Variants in ARHGEF12 observed in about 807,000 individuals in gnomAD.
The protein encoded by ARHGEF12 is KMT2A/ARHGEF12 fusion protein.
Under a neutral mutation model 211.2 loss-of-function variants are expected in ARHGEF12, and 66 were observed. That is an observed-to-expected ratio of 0.31 (90% CI 0.26 to 0.38). The LOEUF (loss-of-function observed/expected upper bound fraction) is 0.38, where lower values mean the gene tolerates loss of function less well. ARHGEF12 is among the 10% of genes least tolerant of loss of function. The pLI is 1.00. For missense variants in ARHGEF12, 1,429 were observed against 1,869.5 expected (o/e 0.76, Z 4.34); for synonymous variants, 592 against 638.4 (o/e 0.93, Z 1.09).
At chr11:120,449,895 C>T (rs907256891) in intron 21 of ARHGEF12, 4 of 151,820 alleles carry the variant, frequency 2.6e-5, no homozygotes, top group Non-Finnish European at 5.9e-5. Context: ...TACATATTTA[C>T]TTAGTCTCCA....
intron 1 of ARHGEF12, among the ~76,000 whole-genome samples, chr11:120,354,641 G>A (rs572353978): frequency 1.3e-5 from 2 of 152,034 alleles, no homozygotes; most frequent in Admixed American, 1.3e-4. Flanking sequence ...TTCTTTCTTT[G>A]TTTTAGTAAC....
At chr11:120,460,331 G>A (rs190362612) in intron 26 of ARHGEF12, among the ~76,000 whole-genome samples, 6 of 152,258 alleles carry the variant, frequency 3.9e-5, no homozygotes, top group Admixed American at 2.0e-4. Flanking sequence ...CATTTTGAGA[G>A]GATCAGTGAA....
chr11:120,385,440 G>C, intron 1 of ARHGEF12: 1 of 985,348 alleles, frequency 1.0e-6, no homozygotes. Flanking sequence ...CCATGGAAAC[G>C]AGCCTTTTGA....
At position 120,336,876 on chromosome 11, in the gene ARHGEF12, C is replaced by T; in HGVS notation, c.-368C>T. 1 of 391,180 alleles carries T rather than the reference C, an allele frequency of 2.6e-6. No homozygotes were observed. Among genetic ancestry groups the T allele is most frequent in the Non-Finnish European group, 4.5e-6 (1 of 221,622 alleles). 24.2% of individuals were successfully genotyped at this position (391,180 alleles called of 1,614,324 possible). On this transcript the variant is annotated 5_prime_UTR_variant, in exon 1 of 41. Transcript: ENST00000397843. ...GAGACTCCGGAGGAGGAGCCGACAC[C>T]CGTCCGTGAGCTGATCCCGCCCCAG...
intron 1 of ARHGEF12, among the ~76,000 whole-genome samples, chr11:120,396,213 TA>T (rs1259356087): frequency 9.2e-5 from 14 of 152,016 alleles, no homozygotes; most frequent in African/African-American, 3.4e-4. Context: ...AAAATAAACA[TA>T]CATGAGCCCA....
chr11:120,457,402 A>G, intron 23 of ARHGEF12, 152 bp downstream of exon 23: 1 of 905,890 alleles, frequency 1.1e-6, no homozygotes, highest in Non-Finnish European at 1.5e-6. Context: ...AGGCAGGAGA[A>G]TCAATCACTT....
At chr11:120,362,232 A>G (rs1349014344) in intron 1 of ARHGEF12, among the ~76,000 whole-genome samples, 1 of 152,262 alleles carries the variant, frequency 6.6e-6, no homozygotes, top group African/African-American at 2.4e-5. Flanking sequence ...GCTAAACATT[A>G]TCAAATCTTG....
chr11:120,430,188 T>G (rs1450719288), intron 10 of ARHGEF12, among the ~76,000 whole-genome samples: 1 of 152,054 alleles, frequency 6.6e-6, no homozygotes, highest in Non-Finnish European at 1.5e-5. Flanking sequence ...TGTTTTTAAA[T>G]AGGAATTTAA....
At chr11:120,406,482 T>G (rs146008292) in intron 2 of ARHGEF12, among the ~76,000 whole-genome samples, 1,698 of 152,274 alleles carry the variant, frequency 0.011, 31 homozygotes, top group African/African-American at 0.039. Context: ...ATGTGTTTTA[T>G]CACTTGTGTG....
chr11:120,387,728 T>G (rs1944082839), intron 1 of ARHGEF12, among the ~76,000 whole-genome samples: 1 of 152,128 alleles, frequency 6.6e-6, no homozygotes, highest in Non-Finnish European at 1.5e-5. Context: ...GCATTCCATA[T>G]AAGCAAAGAA....
chr11:120,445,497 A>G (rs745610534), intron 16 of ARHGEF12, 33 bp downstream of exon 16: 4 of 1,601,660 alleles, frequency 2.5e-6, no homozygotes, highest in African/African-American at 1.3e-5. Context: ...CTGGAGAATT[A>G]CATCTTAATA....
chr11:120,373,745 C>G (rs1943650928), intron 1 of ARHGEF12, among the ~76,000 whole-genome samples: 1 of 151,782 alleles, frequency 6.6e-6, no homozygotes, highest in Non-Finnish European at 1.5e-5. Flanking sequence ...CAACTATTAT[C>G]TTGATAATGG....
At chr11:120,429,403 C>A in intron 8 of ARHGEF12, 37 bp from the exon 9 acceptor site, 1 of 1,541,872 alleles carries the variant, frequency 6.5e-7, no homozygotes, top group Non-Finnish European at 8.9e-7. Context: ...TTTGTCTATA[C>A]TGGTTGTTGT....
chr11:120,356,364 G>A (rs138990318), intron 1 of ARHGEF12, among the ~76,000 whole-genome samples: 23 of 152,308 alleles, frequency 1.5e-4, no homozygotes, highest in African/African-American at 5.5e-4. Flanking sequence ...AGGATTACAG[G>A]TGTGCGCCAC....
At chr11:120,451,488 T>G (rs1309544379) in intron 21 of ARHGEF12, 24 bp from the exon 22 acceptor site, 1 of 1,612,740 alleles carries the variant, frequency 6.2e-7, no homozygotes, top group East Asian at 2.2e-5. Flanking sequence ...CAATACAGAT[T>G]ATTAACCATC....
At chr11:120,354,826 A>G (rs536907240) in intron 1 of ARHGEF12, among the ~76,000 whole-genome samples, 1 of 152,216 alleles carries the variant, frequency 6.6e-6, no homozygotes, top group Admixed American at 6.5e-5. Context: ...GCTAACATGC[A>G]AAAGGCAGTG....
At chr11:120,405,122 A>T (rs1426772253) in intron 1 of ARHGEF12, among the ~76,000 whole-genome samples, 2 of 152,084 alleles carry the variant, frequency 1.3e-5, no homozygotes, top group African/African-American at 2.4e-5. Context: ...TTTTGTTTCT[A>T]CCTCCATGCC....
chr11:120,489,128 T>TG lies in ARHGEF12; in HGVS notation c.*4052dup, dbSNP rs1206251063. The TG allele has an allele frequency of 1.8e-5, 4 of 226,114 alleles. No homozygotes were observed. The highest frequency in any genetic ancestry group is 8.9e-5 in the African/African-American group (4 of 44,976). The allele number at this position is 226,114 out of a possible 1,614,324, so 14.0% of individuals were successfully genotyped here. A position where few individuals can be genotyped will look rare whatever the true frequency, so the allele number is the denominator to read the frequency against. On this transcript the variant is annotated 3_prime_UTR_variant, in exon 41 of 41. Coordinates refer to ENST00000397843, the MANE Select transcript of ARHGEF12 (RefSeq NM_015313.3). Reference sequence around the variant, plus strand: ...TCGAGGAGCCTGTAATTAATTTTCCTGTCAGTGACTGTCAGACATCTTCCT... The same window carrying TG: ...TCGAGGAGCCTGTAATTAATTTTCCTGGTCAGTGACTGTCAGACATCTTCCT...
chr11:120,415,977 T>C (rs1250389209), intron 4 of ARHGEF12, among the ~76,000 whole-genome samples: 1 of 152,218 alleles, frequency 6.6e-6, no homozygotes, highest in Non-Finnish European at 1.5e-5. Context: ...GTGTGCATAG[T>C]TCTTTTTCCT....
Sources: allele counts gnomAD v4.1 joint callset (sites outside exome capture counted in the v4.1 genomes callset), GRCh38; gene constraint gnomAD v4.1.1; transcripts MANE v1.5; gene names NCBI Gene and HGNC (gene_info 2026-07-23, HGNC 2026-07-21).